Variants in PRORP observed in about 807,000 individuals in gnomAD.
PRORP encodes the protein protein only RNase P catalytic subunit, also known as mitochondrial ribonuclease P catalytic subunit.
In PRORP, 51 loss-of-function variants were observed where a neutral mutation model predicts 59.4. That is an observed-to-expected ratio of 0.86 (90% CI 0.69 to 1.08). PRORP has a LOEUF of 1.08. Among genes scored for constraint, PRORP ranks in the 50% least tolerant of loss-of-function variants. The pLI is 0.00. For synonymous variants in PRORP, 231 were observed against 245.6 expected, an observed-to-expected ratio of 0.94 and a Z score of 0.55; for missense variants, 646 against 690.3, an observed-to-expected ratio of 0.94 and a Z score of 0.72.
chr14:35,241,404 G>T (rs979447012), intron 5 of PRORP, among the ~76,000 whole-genome samples: 3 of 151,950 alleles, frequency 2.0e-5, no homozygotes, highest in African/African-American at 7.3e-5. Flanking sequence ...TACGAGGATG[G>T]CAATTTTATA....
chr14:35,240,953 T>C (rs1410327870), intron 5 of PRORP, among the ~76,000 whole-genome samples: 1 of 152,208 alleles, frequency 6.6e-6, no homozygotes, highest in African/African-American at 2.4e-5. Context: ...TTGAAAAAAA[T>C]TGTGTCTGTA....
intron 5 of PRORP, among the ~76,000 whole-genome samples, chr14:35,261,039 T>G (rs1285090326): frequency 4.6e-5 from 7 of 152,230 alleles, no homozygotes; most frequent in African/African-American, 1.7e-4. Context: ...CATCATAATC[T>G]ACTGATGTTA....
chr14:35,127,227 C>T (rs182666759), intron 3 of PRORP, among the ~76,000 whole-genome samples: 97 of 151,662 alleles, frequency 6.4e-4, no homozygotes, highest in Admixed American at 1.3e-3. Context: ...CAAGTCTCCA[C>T]TAAAAATACA....
chr14:35,132,072 G>T (rs2047256059), intron 4 of PRORP, among the ~76,000 whole-genome samples: 1 of 151,548 alleles, frequency 6.6e-6, no homozygotes, highest in South Asian at 2.1e-4. Flanking sequence ...CTCCTGACCT[G>T]AGGTGATCCG....
intron 5 of PRORP, among the ~76,000 whole-genome samples, chr14:35,239,229 G>A (rs1376264016): frequency 6.6e-6 from 1 of 151,868 alleles, no homozygotes; most frequent in Non-Finnish European, 1.5e-5. Flanking sequence ...GTGGTGGCAG[G>A]TGCCTGTAAT....
At chr14:35,268,430 G>A (rs185015275) in intron 6 of PRORP, among the ~76,000 whole-genome samples, 15 of 150,776 alleles carry the variant, frequency 9.9e-5, no homozygotes, top group Non-Finnish European at 2.1e-4. Flanking sequence ...GTACAGATCC[G>A]CAACAGCACA....
intron 5 of PRORP, among the ~76,000 whole-genome samples, chr14:35,253,911 T>G (rs1362780493): frequency 6.6e-6 from 1 of 151,448 alleles, no homozygotes; most frequent in Non-Finnish European, 1.5e-5. Flanking sequence ...CCCTCCAGAG[T>G]TTTTACCTGT....
At chr14:35,130,214 A>G (rs1294655194) in intron 4 of PRORP, among the ~76,000 whole-genome samples, 1 of 151,586 alleles carries the variant, frequency 6.6e-6, no homozygotes, top group African/African-American at 2.4e-5. Context: ...TGTATTTTTT[A>G]GTTGAGACGG....
chr14:35,270,858 C>T (rs1211386172), intron 7 of PRORP, among the ~76,000 whole-genome samples: 1 of 151,584 alleles, frequency 6.6e-6, no homozygotes, highest in African/African-American at 2.4e-5. Flanking sequence ...CCGAGGTGGG[C>T]AAATCATGAG....
intron 5 of PRORP, among the ~76,000 whole-genome samples, chr14:35,246,100 C>T (rs963334618): frequency 6.6e-6 from 1 of 152,098 alleles, no homozygotes; most frequent in African/African-American, 2.4e-5. Flanking sequence ...TGTATATGAT[C>T]TGCTTTATTC....
chr14:35,169,080 CCTTT>C (rs143731607), intron 4 of PRORP, among the ~76,000 whole-genome samples: 53,261 of 143,412 alleles, frequency 0.37, 10,572 homozygotes, highest in East Asian at 0.68. Context: ...TGTTTTATGA[CCTTT>C]CTTTCTTTTT....
intron 4 of PRORP, among the ~76,000 whole-genome samples, chr14:35,165,081 A>G (rs1173084902): frequency 6.6e-6 from 1 of 152,236 alleles, no homozygotes; most frequent in Non-Finnish European, 1.5e-5. Flanking sequence ...AATAACTATT[A>G]TAGTGCATGT....
intron 4 of PRORP, among the ~76,000 whole-genome samples, chr14:35,150,966 A>C (rs895934116): frequency 2.0e-5 from 3 of 152,220 alleles, no homozygotes; most frequent in African/African-American, 7.2e-5. Flanking sequence ...TCTTTCTTAC[A>C]GCGAGTGATC....
chr14:35,270,063 T>C (rs1481449206), intron 6 of PRORP, among the ~76,000 whole-genome samples: 1 of 152,206 alleles, frequency 6.6e-6, no homozygotes, highest in Non-Finnish European at 1.5e-5. Context: ...AAAGGTGTGC[T>C]CTGTGATAGA....
At chr14:35,133,483 A>G (rs2047300403) in intron 4 of PRORP, among the ~76,000 whole-genome samples, 1 of 152,176 alleles carries the variant, frequency 6.6e-6, no homozygotes, top group Non-Finnish European at 1.5e-5. Context: ...GAAAGGTCAC[A>G]CATCTGTTTC....
chr14:35,219,171 G>T (rs1054802312), intron 5 of PRORP: 1 of 152,162 alleles, frequency 6.6e-6, no homozygotes, highest in Non-Finnish European at 1.5e-5. Context: ...CCTGTGATCA[G>T]ATAGGGCACG....
chr14:35,163,633 A>G lies in PRORP; in HGVS notation c.1168-17037A>G, dbSNP rs138566474. ...GGGTTATTTGTTTTTTGCTTGTTGA[A>G]TTAAGTTCCTTGTAGATTCTGGATA... On this transcript the variant is annotated intron_variant, in intron 4 of 7. Transcript: ENST00000534898. Among the ~76,000 whole-genome samples, 1,323 of 152,044 alleles carry G rather than the reference A, an allele frequency of 8.7e-3. 5 individuals carry two copies. Among genetic ancestry groups the G allele is most frequent in the Non-Finnish European group, 0.014 (953 of 67,894 alleles).
rs946012509 is a variant in PRORP at position 35,149,424 on chromosome 14, A to T, written c.1167+21813A>T. Among the ~76,000 whole-genome samples, 61 of 151,918 alleles carry T rather than the reference A, an allele frequency of 4.0e-4. 1 individual carries two copies. The highest frequency in any genetic ancestry group is 3.5e-3 in the Admixed American group (53 of 15,252). On this transcript the variant is annotated intron_variant, in intron 4 of 7. Transcript: ENST00000534898. Reference sequence around the variant, plus strand: ...GATAGGATCTTGCTATGTTGCCCAGACTGGTCTCGAACGCCTGACCTCAAG... The same window carrying T: ...GATAGGATCTTGCTATGTTGCCCAGTCTGGTCTCGAACGCCTGACCTCAAG...
In PRORP at chr14:35,138,776, C is replaced by T. The variant is rs549261169; in HGVS notation, c.1167+11165C>T. Among the ~76,000 whole-genome samples, 26 of 141,610 alleles carry T rather than the reference C, an allele frequency of 1.8e-4. 3 individuals are homozygous for T. The highest frequency in any genetic ancestry group is 4.5e-4 in the Admixed American group (6 of 13,324). 92.9% of individuals were successfully genotyped at this position (141,610 alleles called of 152,430 possible). A position where few individuals can be genotyped will look rare whatever the true frequency, so the allele number is the denominator to read the frequency against. ...GAAGTGTTTAAAACTGCTACCTGGACCTCAGCCACTAAAGATATTGATTTT... is the reference window on the plus strand; with the variant it reads ...GAAGTGTTTAAAACTGCTACCTGGATCTCAGCCACTAAAGATATTGATTTT... On this transcript the variant is annotated intron_variant, in intron 4 of 7. Transcript: ENST00000534898.
Sources: allele counts gnomAD v4.1 joint callset (sites outside exome capture counted in the v4.1 genomes callset), GRCh38; gene constraint gnomAD v4.1.1; transcripts MANE v1.5; gene names NCBI Gene and HGNC (gene_info 2026-07-23, HGNC 2026-07-21).